KLHL7: variants seen among roughly 807,000 people sequenced by gnomAD.
KLHL7 encodes kelch like family member 7.
Under a neutral mutation model 67.4 loss-of-function variants are expected in KLHL7, and 44 were observed. The ratio of observed to expected loss-of-function variants is 0.65; its 90% CI spans 0.51 to 0.84. The LOEUF (loss-of-function observed/expected upper bound fraction) is 0.84. KLHL7 is among the 40% of genes least tolerant of loss of function. KLHL7 has a pLI of 0.00. For synonymous variants in KLHL7, 252 were observed against 243.3 expected (o/e 1.04, Z -0.33); for missense variants, 362 against 718.1 (o/e 0.50, Z 5.67).
intron 9 of KLHL7, among the ~76,000 whole-genome samples, chr7:23,170,907 CTTT>C (rs34932759): frequency 3.8e-5 from 5 of 132,922 alleles, no homozygotes; most frequent in African/African-American, 8.6e-5. Flanking sequence ...TAAGAAATGA[CTTT>C]TTTTTTTTTT....
chr7:23,113,011 A>G (rs917274705), intron 1 of KLHL7, among the ~76,000 whole-genome samples: 1 of 152,188 alleles, frequency 6.6e-6, no homozygotes, highest in Non-Finnish European at 1.5e-5. Context: ...GATTAATCTC[A>G]GACAGGGGTG....
Position 23,140,588 on chromosome 7 carries a change from A to C in KLHL7, c.443-181A>C, listed in dbSNP as rs572623624. 75 of 683,320 alleles carry C rather than the reference A, an allele frequency of 1.1e-4. No homozygotes were observed. The Middle Eastern group carries it at 1.2e-3, about 11-fold the overall frequency. The allele number at this position is 683,320 out of a possible 1,614,324, so 42.3% of individuals were successfully genotyped here. On this transcript the variant is annotated intron_variant, in intron 4 of 10. Coordinates refer to ENST00000339077, the MANE Select transcript of KLHL7 (RefSeq NM_001031710.3). Reference sequence around the variant, plus strand: ...CAAAAAAACAAAAAACAAAAAAAAAACCAGTCTTTTATAAGACAGTATAGT... The same window carrying C: ...CAAAAAAACAAAAAACAAAAAAAAACCCAGTCTTTTATAAGACAGTATAGT...
chr7:23,140,965 C>A (rs1784161789), intron 5 of KLHL7, 21 bp downstream of exon 5: 32 of 1,603,434 alleles, frequency 2.0e-5, no homozygotes, highest in Non-Finnish European at 2.6e-5. Flanking sequence ...TGCCTTCTCA[C>A]ATTTTTCTTA....
chr7:23,106,813 G>T, intron 1 of KLHL7: 2 of 985,044 alleles, frequency 2.0e-6, no homozygotes, highest in Non-Finnish European at 2.4e-6. Context: ...TGAAAAGAAC[G>T]GATTTTAACG....
intron 1 of KLHL7, 68 bp downstream of exon 1, chr7:23,106,214 G>A: frequency 6.3e-7 from 1 of 1,578,904 alleles, no homozygotes; most frequent in South Asian, 1.2e-5. Flanking sequence ...CTGGTTCCCG[G>A]GGTGGAACCC....
intron 1 of KLHL7, among the ~76,000 whole-genome samples, chr7:23,121,542 C>CA (rs1783341572): frequency 6.6e-6 from 1 of 151,624 alleles, no homozygotes. Context: ...TCAAGCAATC[C>CA]ACCTGCCTTG....
At chr7:23,124,281 A>G (rs1341034054) in intron 2 of KLHL7, among the ~76,000 whole-genome samples, 2 of 150,848 alleles carry the variant, frequency 1.3e-5, no homozygotes, top group Non-Finnish European at 2.9e-5. Context: ...AAATTTCATA[A>G]TATTTTAGCC....
chr7:23,136,482 G>C (rs983699080), intron 4 of KLHL7, among the ~76,000 whole-genome samples: 2 of 152,182 alleles, frequency 1.3e-5, no homozygotes, highest in African/African-American at 4.8e-5. Context: ...ATTTTAAAAA[G>C]AAGGATTTGA....
At chr7:23,172,093 C>T in intron 9 of KLHL7, 1 of 452,342 alleles carries the variant, frequency 2.2e-6, no homozygotes. Flanking sequence ...TGTTGTTGTC[C>T]TTACTGTTGT....
At chr7:23,107,235 T>A (rs888215500) in intron 1 of KLHL7, among the ~76,000 whole-genome samples, 2 of 152,264 alleles carry the variant, frequency 1.3e-5, no homozygotes, top group Non-Finnish European at 2.9e-5. Flanking sequence ...GCCTTTGTGC[T>A]GAAGTACTGT....
In KLHL7 at chr7:23,174,694, A is replaced by G. The variant is rs1316543076; in HGVS notation, c.*396A>G. On this transcript the variant is annotated 3_prime_UTR_variant, in exon 11 of 11. Transcript: ENST00000339077. ...TATACGGTTAGGTCTGTTTGTGCTC[A>G]GTCAAGAACTAAGAAATAGTATGAA... 4.4e-6 allele frequency: 2 copies of G among 457,146 alleles called. No homozygotes were observed. Among genetic ancestry groups the G allele is most frequent in the East Asian group, 6.9e-5 (1 of 14,514 alleles). 28.3% of individuals were successfully genotyped at this position (457,146 alleles called of 1,614,324 possible). A position where few individuals can be genotyped will look rare whatever the true frequency, so the allele number is the denominator to read the frequency against.
At chr7:23,152,306 A>T (rs1784562160) in intron 7 of KLHL7, 97 bp downstream of exon 7, 2 of 1,077,314 alleles carry the variant, frequency 1.9e-6, no homozygotes, top group African/African-American at 3.1e-5. Context: ...TCATACCTTT[A>T]GAGATGATAG....
At chr7:23,163,231 C>T (rs7807660) in intron 7 of KLHL7, among the ~76,000 whole-genome samples, 139,236 of 152,038 alleles carry the variant, frequency 0.92, 64,030 homozygotes, top group East Asian at 0.99. Flanking sequence ...AGTGCGGTGG[C>T]GTGATCTCGG....
intron 7 of KLHL7, among the ~76,000 whole-genome samples, chr7:23,163,700 G>A (rs533654495): frequency 7.2e-5 from 11 of 152,182 alleles, no homozygotes; most frequent in Non-Finnish European, 1.3e-4. Context: ...CTAGGACCAA[G>A]GAAAATAGGA....
At position 23,137,032 on chromosome 7, in the gene KLHL7, C is replaced by T. The variant is rs186854223; in HGVS notation, c.443-3737C>T. 5.9e-5 allele frequency among the ~76,000 whole-genome samples: 9 copies of T among 152,302 alleles called. No homozygotes were observed. In the East Asian group the frequency reaches 1.5e-3, roughly 26 times the overall value. On this transcript the variant is annotated intron_variant, in intron 4 of 10. Transcript: ENST00000339077. ...AGGTGCAGTGTCTCACACCTGTAAT[C>T]CCAGCACTTTGGGAGGCCAAGGTGG... is the stretch of plus-strand genomic sequence containing the variant.
At position 23,174,414 on chromosome 7, in the gene KLHL7, G is replaced by A. The variant is rs745736216; in HGVS notation, c.*116G>A. ...TGTTTTGGTAAAGAAAGTTTCAAGT[G>A]AAATGAGGTTCCTATAAAATAGATG... On this transcript the variant is annotated 3_prime_UTR_variant, in exon 11 of 11. Transcript: ENST00000339077. The A allele has an allele frequency of 1.0e-6, 1 of 1,003,976 alleles. No homozygotes were observed. The highest frequency in any genetic ancestry group is 2.5e-5 in the East Asian group (1 of 39,944). 62.2% of individuals were successfully genotyped at this position (1,003,976 alleles called of 1,614,324 possible).
At chr7:23,139,842 C>T (rs1415117316) in intron 4 of KLHL7, among the ~76,000 whole-genome samples, 1 of 151,610 alleles carries the variant, frequency 6.6e-6, no homozygotes, top group Non-Finnish European at 1.5e-5. Flanking sequence ...CTTTATGGAC[C>T]ACATGTGGTC....
At chr7:23,133,222 T>G (rs773386901) in intron 4 of KLHL7, among the ~76,000 whole-genome samples, 12 of 152,128 alleles carry the variant, frequency 7.9e-5, no homozygotes, top group Non-Finnish European at 1.0e-4. Flanking sequence ...ATCTGTAGAT[T>G]GCTATGGGAA....
intron 6 of KLHL7, among the ~76,000 whole-genome samples, chr7:23,149,111 A>C (rs1429723471): frequency 6.6e-6 from 1 of 152,240 alleles, no homozygotes; most frequent in Admixed American, 6.5e-5. Flanking sequence ...CCAAAAGAAA[A>C]TGAATTACAA....
Sources: gnomAD v4.1 joint callset for allele counts (sites outside exome capture counted in the v4.1 genomes callset) on GRCh38, gnomAD v4.1.1 for gene constraint, MANE v1.5 for transcripts, NCBI Gene and HGNC (gene_info 2026-07-23, HGNC 2026-07-21) for gene names.